Variants in POC5 observed in about 807,000 individuals in gnomAD.
The protein encoded by POC5 is centrosomal protein POC5.
In POC5, 48 loss-of-function variants were observed where a neutral mutation model predicts 62.9. The observed-to-expected ratio is 0.76, with a 90% CI of 0.61 to 0.97. The LOEUF is 0.97. Among genes scored for constraint, POC5 ranks in the 50% least tolerant of loss-of-function variants. POC5 has a pLI of 0.00. For synonymous variants in POC5, 236 were observed against 228.2 expected (o/e 1.03, Z -0.31); for missense variants, 696 against 679.5 (o/e 1.02, Z -0.27).
chr5:75,688,935 G>A, intron 9 of POC5, 77 bp downstream of exon 9: 1 of 1,359,362 alleles, frequency 7.4e-7, no homozygotes, highest in South Asian at 1.7e-5. Flanking sequence ...TATTTGTACT[G>A]TAGACCATAC....
At chr5:75,707,218 C>T (rs1344865457) in intron 3 of POC5, among the ~76,000 whole-genome samples, 2 of 152,190 alleles carry the variant, frequency 1.3e-5, no homozygotes, top group Non-Finnish European at 2.9e-5. Flanking sequence ...TCTATCAACA[C>T]ACATCCTGGT....
chr5:75,700,392 C>G (rs1200116032), intron 5 of POC5, among the ~76,000 whole-genome samples: 1 of 151,658 alleles, frequency 6.6e-6, no homozygotes, highest in African/African-American at 2.4e-5. Flanking sequence ...TGGAACAGAA[C>G]AGAGCCCTCA....
intron 10 of POC5, 117 bp from the exon 11 acceptor site, chr5:75,678,067 C>G: frequency 1.3e-6 from 1 of 769,408 alleles, no homozygotes; most frequent in Non-Finnish European, 1.8e-6. Context: ...TATGTTCAAC[C>G]AACTTTAACA....
intron 2 of POC5, chr5:75,712,444 G>C: frequency 6.2e-7 from 1 of 1,611,142 alleles, no homozygotes; most frequent in Non-Finnish European, 8.5e-7. Context: ...TGACAACAGA[G>C]ACCAAACCTC....
intron 5 of POC5, 54 bp downstream of exon 5, chr5:75,702,551 A>G: frequency 1.3e-6 from 2 of 1,501,146 alleles, no homozygotes; most frequent in South Asian, 1.3e-5. Context: ...AATGAGAGTA[A>G]AACTATTACA....
chr5:75,689,671 CGTA>C, intron 8 of POC5: 1 of 985,158 alleles, frequency 1.0e-6, no homozygotes, highest in Non-Finnish European at 1.2e-6. Flanking sequence ...TTTTGCATGT[CGTA>C]GTGAACTGCA....
At chr5:75,690,336 C>A (rs1305506977) in intron 8 of POC5, 47 bp downstream of exon 8, 1 of 1,493,436 alleles carries the variant, frequency 6.7e-7, no homozygotes, top group East Asian at 2.4e-5. Context: ...GTCTATCTAT[C>A]TTTTTATTGT....
intron 11 of POC5, among the ~76,000 whole-genome samples, chr5:75,675,357 C>T (rs1775611691): frequency 6.6e-6 from 1 of 152,152 alleles, no homozygotes; most frequent in African/African-American, 2.4e-5. Context: ...AGTTCTCAGT[C>T]CATATCACTG....
At chr5:75,684,304 T>A (rs902003966) in intron 10 of POC5, among the ~76,000 whole-genome samples, 7 of 138,560 alleles carry the variant, frequency 5.1e-5, no homozygotes, top group Admixed American at 1.4e-4. Flanking sequence ...CCCAATAGTG[T>A]TCTTCAAACA....
At chr5:75,698,475 C>A in intron 5 of POC5, among the ~76,000 whole-genome samples, 1 of 152,116 alleles carries the variant, frequency 6.6e-6, no homozygotes, top group East Asian at 1.9e-4. Flanking sequence ...CTACTGGGTA[C>A]ATAATGAAAT....
chr5:75,674,655 T>C, intron 11 of POC5, 77 bp from the exon 12 acceptor site: 2 of 1,494,434 alleles, frequency 1.3e-6, no homozygotes, highest in Non-Finnish European at 1.8e-6. Flanking sequence ...CTATCATCTA[T>C]AATTTAACCC....
rs774711056 is a variant in POC5, at chr5:75,685,291, G to A, written c.1323C>T (p.Thr441=). 1 of 1,614,044 alleles carries A rather than the reference G, an allele frequency of 6.2e-7. No homozygotes were observed. Among genetic ancestry groups the A allele is most frequent in the Admixed American group, 1.7e-5 (1 of 60,024 alleles). The change falls in exon 10 of 12, where the codon ACC becomes ACT. Residue 441 remains threonine, a synonymous_variant. Coordinates refer to ENST00000428202, the MANE Select transcript of POC5 (RefSeq NM_001099271.2). ...AVPSAASMTS[T]RAASASSVHV... is the part of the protein sequence containing the mutation. ...GAACAGAAGATGCGGAAGCAGCCCTGGTAGAAGTCATCGAAGCAGCTGAGG... is the reference window on the plus strand; with the variant it reads ...GAACAGAAGATGCGGAAGCAGCCCTAGTAGAAGTCATCGAAGCAGCTGAGG...
At chr5:75,697,173 A>G (rs1776640980) in intron 5 of POC5, among the ~76,000 whole-genome samples, 1 of 152,220 alleles carries the variant, frequency 6.6e-6, no homozygotes, top group South Asian at 2.1e-4. Context: ...CTAGCAAGGC[A>G]GGCCAACGCT....
At chr5:75,675,175 G>A (rs1380498618) in intron 11 of POC5, among the ~76,000 whole-genome samples, 1 of 152,146 alleles carries the variant, frequency 6.6e-6, no homozygotes, top group Admixed American at 6.5e-5. Context: ...ATTAAAGTCA[G>A]GACACACGTG....
Position 75,681,842 on chromosome 5 carries a change from ATC to A in POC5, c.1407+3363_1407+3364del, listed in dbSNP as rs58285832. Reference sequence around the variant, plus strand: ...AAAGATAACCAAGCCAGGATTGCAAATCTCTCTCTTCTTTTCCTATTCCCAAC... The same window carrying A: ...AAAGATAACCAAGCCAGGATTGCAAATCTCTCTTCTTTTCCTATTCCCAAC... On this transcript the variant is annotated intron_variant, in intron 10 of 11. Coordinates refer to ENST00000428202, the MANE Select transcript of POC5 (RefSeq NM_001099271.2). Among the ~76,000 whole-genome samples the A allele has an allele frequency of 3.5e-3, 540 of 152,232 alleles. 20 individuals carry two copies. The East Asian group carries it at 0.079, about 22-fold the overall frequency.
intron 1 of POC5, among the ~76,000 whole-genome samples, chr5:75,713,941 A>T (rs552482007): frequency 2.0e-4 from 31 of 152,382 alleles, no homozygotes; most frequent in African/African-American, 7.5e-4. Context: ...TGAAACAAAA[A>T]GTAAGGAGCA....
rs772509652 is a variant in POC5 at position 75,716,504 on chromosome 5, A to G, written c.-15+802T>C. On this transcript the variant is annotated intron_variant, in intron 1 of 11. Coordinates refer to ENST00000428202, the MANE Select transcript of POC5 (RefSeq NM_001099271.2). Reference sequence around the variant, plus strand: ...AAAACCCACCGCACTCTTGGAAAATATGCTATCTTCCATCTGCCCTGCTTT... The same window carrying G: ...AAAACCCACCGCACTCTTGGAAAATGTGCTATCTTCCATCTGCCCTGCTTT... Among the ~76,000 whole-genome samples the G allele has an allele frequency of 7.9e-5, 12 of 152,260 alleles. No individual in the cohort carries two copies. The East Asian group carries it at 9.6e-4, about 12-fold the overall frequency.
At chr5:75,697,909 G>C (rs1250477985) in intron 5 of POC5, among the ~76,000 whole-genome samples, 2 of 144,680 alleles carry the variant, frequency 1.4e-5, no homozygotes, top group African/African-American at 5.1e-5. Flanking sequence ...AAAGGCAGGG[G>C]TTGCAATCCT....
chr5:75,695,334 T>C (rs1178108966), intron 5 of POC5, among the ~76,000 whole-genome samples: 1 of 152,178 alleles, frequency 6.6e-6, no homozygotes, highest in Non-Finnish European at 1.5e-5. Context: ...CCCTACTGAC[T>C]GGCACAAATA....
Sources: allele counts gnomAD v4.1 joint callset (sites outside exome capture counted in the v4.1 genomes callset), GRCh38; gene constraint gnomAD v4.1.1; transcripts MANE v1.5; gene names NCBI Gene and HGNC (gene_info 2026-07-23, HGNC 2026-07-21).